The following MGMT variants were observed in gnomAD, a reference collection of about 807,000 sequenced individuals.
MGMT encodes the protein O-6-methylguanine-DNA methyltransferase.
MGMT carries 14 observed loss-of-function variants against 15.9 expected under a neutral mutation model. That is an observed-to-expected ratio of 0.88 (90% confidence interval 0.58 to 1.37). MGMT has a LOEUF of 1.37. Ranked by LOEUF, MGMT falls within the 40% of genes most tolerant of loss-of-function variation. The probability of loss-of-function intolerance (pLI) is 0.00; values close to 1 mark genes in which losing one functional copy is unlikely to be tolerated. For synonymous variants in MGMT, 130 were observed against 118.2 expected (o/e 1.10, Z -0.65); for missense variants, 282 against 268.1 (o/e 1.05, Z -0.36).
intron 1 of MGMT, among the ~76,000 whole-genome samples, chr10:129,495,535 T>C (rs1291589307): frequency 3.3e-5 from 5 of 152,224 alleles, no homozygotes; most frequent in Non-Finnish European, 7.3e-5. Flanking sequence ...TGATGATCGA[T>C]GGACTGCTGA....
chr10:129,473,202 C>T (rs759271313), intron 1 of MGMT, among the ~76,000 whole-genome samples: 3 of 152,234 alleles, frequency 2.0e-5, no homozygotes, highest in Admixed American at 1.3e-4. Context: ...CCATGTGTGA[C>T]GGCCGTTTAG....
chr10:129,693,301 G>C (rs1353967485), intron 2 of MGMT, among the ~76,000 whole-genome samples: 1 of 152,150 alleles, frequency 6.6e-6, no homozygotes. Flanking sequence ...AAAGGTCAAT[G>C]CCACTTCTGT....
chr10:129,472,497 CTGT>C (rs1564827803), intron 1 of MGMT, among the ~76,000 whole-genome samples: 2 of 152,118 alleles, frequency 1.3e-5, no homozygotes, highest in African/African-American at 4.8e-5. Flanking sequence ...CAATCCGAAT[CTGT>C]ATTTTGCAGA....
At chr10:129,491,601 G>A (rs891046958) in intron 1 of MGMT, among the ~76,000 whole-genome samples, 12 of 151,900 alleles carry the variant, frequency 7.9e-5, no homozygotes, top group Admixed American at 2.0e-4. Flanking sequence ...ACTGTCCCTC[G>A]GATCTCTATT....
chr10:129,554,492 A>G (rs1440337226), intron 2 of MGMT, among the ~76,000 whole-genome samples: 1 of 152,066 alleles, frequency 6.6e-6, no homozygotes, highest in South Asian at 2.1e-4. Context: ...ACGTGGTGGT[A>G]TTTTAACTGT....
chr10:129,739,596 C>G (rs1428564402), intron 3 of MGMT, among the ~76,000 whole-genome samples: 1 of 151,164 alleles, frequency 6.6e-6, no homozygotes, highest in South Asian at 2.1e-4. Flanking sequence ...AGCCCCTACG[C>G]CCTGGTCAGA....
intron 3 of MGMT, among the ~76,000 whole-genome samples, chr10:129,740,860 A>C (rs538015760): frequency 6.6e-6 from 1 of 152,204 alleles, no homozygotes; most frequent in African/African-American, 2.4e-5. Flanking sequence ...GGTACCTAGT[A>C]AGCACTCAGT....
chr10:129,752,358 C>T (rs1046673041), intron 3 of MGMT, among the ~76,000 whole-genome samples: 1 of 151,758 alleles, frequency 6.6e-6, no homozygotes, highest in Non-Finnish European at 1.5e-5. Flanking sequence ...TTTAACCTAC[C>T]TACAGGTATC....
chr10:129,597,401 A>G (rs965707602), intron 2 of MGMT, among the ~76,000 whole-genome samples: 5 of 152,086 alleles, frequency 3.3e-5, no homozygotes, highest in African/African-American at 1.2e-4. Context: ...ATTCACTCAC[A>G]TTTTGGTGAG....
intron 3 of MGMT, among the ~76,000 whole-genome samples, chr10:129,727,804 A>G (rs1241543864): frequency 6.6e-6 from 1 of 152,240 alleles, no homozygotes; most frequent in Non-Finnish European, 1.5e-5. Flanking sequence ...CACTGCAGGC[A>G]GCAAGGTAGC....
intron 2 of MGMT, among the ~76,000 whole-genome samples, chr10:129,636,248 A>T (rs1398579745): frequency 6.6e-6 from 1 of 152,184 alleles, no homozygotes; most frequent in Non-Finnish European, 1.5e-5. Flanking sequence ...CTTGGTCTAG[A>T]TCGTCACCTC....
intron 2 of MGMT, among the ~76,000 whole-genome samples, chr10:129,561,762 A>T (rs1165378089): frequency 2.6e-5 from 4 of 152,158 alleles, no homozygotes; most frequent in African/African-American, 9.7e-5. Context: ...TTTTTGTTTA[A>T]TGGCTGTTTG....
chr10:129,467,442 G>T (rs1211980196), intron 1 of MGMT, 146 bp downstream of exon 1: 2 of 1,373,314 alleles, frequency 1.5e-6, no homozygotes, highest in East Asian at 6.0e-5. Context: ...CGAGCTCCAG[G>T]TGCGCCCCAA....
chr10:129,678,838 G>A (rs764417052), intron 2 of MGMT, among the ~76,000 whole-genome samples: 9 of 152,094 alleles, frequency 5.9e-5, no homozygotes, highest in Non-Finnish European at 5.9e-5. Flanking sequence ...TTGGGAGGCC[G>A]AGGTGGGTAG....
At chr10:129,741,218 G>C (rs1374769951) in intron 3 of MGMT, among the ~76,000 whole-genome samples, 2 of 152,164 alleles carry the variant, frequency 1.3e-5, no homozygotes, top group Non-Finnish European at 2.9e-5. Flanking sequence ...GGTGAGTTGA[G>C]TCCACAAAAT....
intron 1 of MGMT, among the ~76,000 whole-genome samples, chr10:129,506,415 A>G (rs1183932418): frequency 2.0e-5 from 3 of 151,846 alleles, no homozygotes; most frequent in African/African-American, 7.3e-5. Flanking sequence ...CCATCACCCT[A>G]TGGCAAAAGA....
intron 2 of MGMT, among the ~76,000 whole-genome samples, chr10:129,637,597 C>T (rs974205516): frequency 5.3e-5 from 8 of 152,170 alleles, no homozygotes; most frequent in Admixed American, 5.2e-4. Context: ...TCCCCAAATT[C>T]ACATGTTGGA....
At position 129,739,018 on chromosome 10, in the gene MGMT, A is replaced by G. The variant is rs145263724; in HGVS notation, c.275-20184A>G. ...GTTCAACATACACAAATCAATAAACATGTTCCATCACGTAAACAGAACCAA... is the reference window on the plus strand; with the variant it reads ...GTTCAACATACACAAATCAATAAACGTGTTCCATCACGTAAACAGAACCAA... On this transcript the variant is annotated intron_variant, in intron 3 of 4. Coordinates refer to ENST00000651593, the MANE Select transcript of MGMT (RefSeq NM_002412.5). Among the ~76,000 whole-genome samples, 61 of 152,338 alleles carry G rather than the reference A, an allele frequency of 4.0e-4. No individual in the cohort carries two copies. The East Asian group carries it at 0.011, about 28-fold the overall frequency.
rs117137225 is a variant in MGMT at position 129,694,760 on chromosome 10, C to G, written c.126-13135C>G. On this transcript the variant is annotated intron_variant, in intron 2 of 4. Coordinates refer to ENST00000651593, the MANE Select transcript of MGMT (RefSeq NM_002412.5). Reference sequence around the variant, plus strand: ...AAGTTTGAGCACCCTGGAAGGAAGACAGAAGATGCCGGGAGACCAGCCAGC... The same window carrying G: ...AAGTTTGAGCACCCTGGAAGGAAGAGAGAAGATGCCGGGAGACCAGCCAGC... Among the ~76,000 whole-genome samples, 114 of 152,252 alleles carry G rather than the reference C, an allele frequency of 7.5e-4. 3 individuals are homozygous for G. In the East Asian group the frequency reaches 0.021, roughly 28 times the overall value.
Sources: gnomAD v4.1 joint callset for allele counts (sites outside exome capture counted in the v4.1 genomes callset) on GRCh38, gnomAD v4.1.1 for gene constraint, MANE v1.5 for transcripts, NCBI Gene and HGNC (gene_info 2026-07-23, HGNC 2026-07-21) for gene names.